ETAA1: variants seen among roughly 807,000 people sequenced by gnomAD.
The protein encoded by ETAA1 is ewing's tumor-associated antigen 1.
In ETAA1, 49 loss-of-function variants were observed where a neutral mutation model predicts 76.8. The observed-to-expected ratio is 0.64, with a 90% confidence interval of 0.51 to 0.81. The LOEUF is 0.81. Ranked by LOEUF, ETAA1 falls within the 30% of genes least tolerant of loss-of-function variation. The pLI is 0.00. For synonymous variants in ETAA1, 373 were observed against 372.2 expected (o/e 1.00, Z -0.03); for missense variants, 1,099 against 1,074.0 (o/e 1.02, Z -0.32).
chr2:67,406,881 A>ATATATGG (rs1676236106), intron 5 of ETAA1, among the ~76,000 whole-genome samples: 1 of 152,052 alleles, frequency 6.6e-6, no homozygotes, highest in Admixed American at 6.6e-5. Flanking sequence ...GTTAATGACT[A>ATATATGG]TGTGATATAT....
chr2:67,404,809 C>T lies in ETAA1; in HGVS notation c.2127C>T (p.Ser709=). The T allele has an allele frequency of 1.9e-6, 3 of 1,613,330 alleles. No individual in the cohort carries two copies. The highest frequency in any genetic ancestry group is 2.5e-6 in the Non-Finnish European group (3 of 1,179,540). The part of the protein sequence containing the change: ...SISVQTSLTN[S]SQIDKPMKME... ...CAGTGCAGACATCTTTGACAAATAG[C>T]TCACAAATAGATAAGCCAATGAAGA... The change falls in exon 5 of 6, where the codon AGC becomes AGT. Residue 709 remains serine (S), a synonymous_variant. Transcript: ENST00000272342.
intron 3 of ETAA1, chr2:67,401,041 G>C (rs949489802): frequency 4.6e-5 from 7 of 152,074 alleles, no homozygotes; most frequent in Non-Finnish European, 1.0e-4. Context: ...AAATGTGTTT[G>C]GGTGGGCCAG....
intron 3 of ETAA1, chr2:67,402,621 A>C (rs1214590581): frequency 4.6e-6 from 1 of 218,758 alleles, no homozygotes; most frequent in African/African-American, 2.3e-5. Flanking sequence ...TAAAATAAGC[A>C]ATTTGTAATT....
Position 67,411,004 on chromosome 2 carries a change from G to A in ETAA1, c.*966G>A, listed in dbSNP as rs1337891498. The A allele has an allele frequency of 6.6e-6, 1 of 151,914 alleles. No individual in the cohort carries two copies. Among genetic ancestry groups the A allele is most frequent in the East Asian group, 1.9e-4 (1 of 5,192 alleles). The allele number at this position is 151,914 out of a possible 1,614,324, so 9.4% of individuals were successfully genotyped here. A position where few individuals can be genotyped will look rare whatever the true frequency, so the allele number is the denominator to read the frequency against. On this transcript the variant is annotated 3_prime_UTR_variant, in exon 6 of 6. Coordinates refer to ENST00000272342, the MANE Select transcript of ETAA1 (RefSeq NM_019002.4). Reference sequence around the variant, plus strand: ...TTGCTTTAAAGAATTAGTCTTTCCAGGATATAAAAATGAGAATCTTTTTTC... The same window carrying A: ...TTGCTTTAAAGAATTAGTCTTTCCAAGATATAAAAATGAGAATCTTTTTTC...
At position 67,403,849 on chromosome 2, in the gene ETAA1, T is replaced by A; in HGVS notation, c.1167T>A (p.Ser389Arg). The A allele has an allele frequency of 6.2e-7, 1 of 1,613,252 alleles. No individual in the cohort carries two copies. The highest frequency in any genetic ancestry group is 8.5e-7 in the Non-Finnish European group (1 of 1,179,488). ...ATGATTGGGAAAACTTACTAGGTAGTGAACCTTTTGCTATGCAAAATATCG... is the reference window on the plus strand; with the variant it reads ...ATGATTGGGAAAACTTACTAGGTAGAGAACCTTTTGCTATGCAAAATATCG... ...FEDDWENLLG[S>R]EPFAMQNIDM... The change falls in exon 5 of 6, where the codon AGT becomes AGA. Residue 389 changes from serine (S) to arginine (R), a missense_variant. By Grantham distance (110) the Ser-to-Arg change is moderately radical. Coordinates refer to ENST00000272342, the MANE Select transcript of ETAA1 (RefSeq NM_019002.4).
chr2:67,408,638 A>G (rs1676283316), intron 5 of ETAA1, among the ~76,000 whole-genome samples: 2 of 152,200 alleles, frequency 1.3e-5, no homozygotes, highest in South Asian at 2.1e-4. Flanking sequence ...GTGTATTTTT[A>G]TTATAGATTG....
rs908132157 is a variant in ETAA1 at position 67,411,584 on chromosome 2, A to C, written c.*1546A>C. The C allele has an allele frequency of 6.6e-6, 1 of 152,060 alleles. No homozygotes were observed. The highest frequency in any genetic ancestry group is 2.4e-5 in the African/African-American group (1 of 41,418). 9.4% of individuals were successfully genotyped at this position (152,060 alleles called of 1,614,324 possible). ...TGAGAATGTTGTACCACATATCTCT[A>C]GCCTGGGAAAGAATCAAACTTTAAA... On this transcript the variant is annotated 3_prime_UTR_variant, in exon 6 of 6. Coordinates refer to ENST00000272342, the MANE Select transcript of ETAA1 (RefSeq NM_019002.4).
chr2:67,397,726 C>G (rs997320419), intron 1 of ETAA1, 55 bp downstream of exon 1: 1 of 1,494,862 alleles, frequency 6.7e-7, no homozygotes, highest in Non-Finnish European at 9.0e-7. Flanking sequence ...CCCCACATCC[C>G]AGCTTGCAAC....
chr2:67,409,834 A>G, intron 5 of ETAA1, 77 bp from the exon 6 acceptor site: 2 of 1,441,016 alleles, frequency 1.4e-6, no homozygotes, highest in South Asian at 2.8e-5. Context: ...GGTGATTAAA[A>G]AAAGCAAAAA....
At chr2:67,397,755 G>T (rs1422539840) in intron 1 of ETAA1, 84 bp downstream of exon 1, 1 of 1,334,720 alleles carries the variant, frequency 7.5e-7, no homozygotes, top group Non-Finnish European at 1.0e-6. Flanking sequence ...CTGGGGTGGG[G>T]GTGGAGTCTG....
Sources: allele counts gnomAD v4.1 joint callset (sites outside exome capture counted in the v4.1 genomes callset), GRCh38; gene constraint gnomAD v4.1.1; transcripts MANE v1.5; gene names NCBI Gene and HGNC (gene_info 2026-07-23, HGNC 2026-07-21).